Variants in GRIN2A observed in about 807,000 individuals in gnomAD.
The protein encoded by GRIN2A is glutamate receptor ionotropic, NMDA 2A.
Under a neutral mutation model 113.4 loss-of-function variants are expected in GRIN2A, and 22 were observed. That is an observed-to-expected ratio of 0.19 (90% CI 0.14 to 0.28). The LOEUF (loss-of-function observed/expected upper bound fraction) is 0.28, where lower values mean the gene tolerates loss of function less well. Ranked by LOEUF, GRIN2A falls within the 10% of genes least tolerant of loss-of-function variation. The pLI is 1.00. For missense variants in GRIN2A, 1,502 were observed against 1,887.0 expected (o/e 0.80, Z 3.78); for synonymous variants, 827 against 738.4 (o/e 1.12, Z -1.94).
At chr16:9,864,642 C>A (rs997640555) in intron 4 of GRIN2A, among the ~76,000 whole-genome samples, 1 of 152,190 alleles carries the variant, frequency 6.6e-6, no homozygotes, top group Non-Finnish European at 1.5e-5. Flanking sequence ...CCATTTGGAT[C>A]TCAGCCCTGA....
intron 11 of GRIN2A, among the ~76,000 whole-genome samples, chr16:9,794,068 G>A (rs1367598092): frequency 1.3e-5 from 2 of 152,306 alleles, no homozygotes; most frequent in Middle Eastern, 3.4e-3. Context: ...ATATGCATGA[G>A]CATTGTTACT....
At chr16:9,890,862 T>C (rs779566015) in intron 4 of GRIN2A, 124 bp downstream of exon 4, 2 of 714,650 alleles carry the variant, frequency 2.8e-6, no homozygotes, top group Admixed American at 2.0e-5. Context: ...GACGTGCTCT[T>C]GGCTGTGAGA....
rs187257814 is a variant in GRIN2A at position 10,173,896 on chromosome 16, A to G, written c.414+6102T>C. Among the ~76,000 whole-genome samples the G allele has an allele frequency of 5.9e-5, 9 of 152,372 alleles. No individual in the cohort carries two copies. In the South Asian group the frequency reaches 1.9e-3, roughly 32 times the overall value. On this transcript the variant is annotated intron_variant, in intron 2 of 12. Transcript: ENST00000330684. Reference sequence around the variant, plus strand: ...GGTCAAAATCCGAGTGAACACACTCAGTAACCTTCCTTTTCTGCTCCTAAG... The same window carrying G: ...GGTCAAAATCCGAGTGAACACACTCGGTAACCTTCCTTTTCTGCTCCTAAG...
At position 10,064,889 on chromosome 16, in the gene GRIN2A, G is replaced by A. The variant is rs115014049; in HGVS notation, c.414+115109C>T. Reference sequence around the variant, plus strand: ...TTTATGGCTGGCAAGCATTCACACGGTCAGTGCATTCATCCAAACGGACGA... The same window carrying A: ...TTTATGGCTGGCAAGCATTCACACGATCAGTGCATTCATCCAAACGGACGA... On this transcript the variant is annotated intron_variant, in intron 2 of 12. Coordinates refer to ENST00000330684, the MANE Select transcript of GRIN2A (RefSeq NM_001134407.3). 6.8e-3 allele frequency among the ~76,000 whole-genome samples: 1,039 copies of A among 152,278 alleles called. 9 individuals carry two copies. Among genetic ancestry groups the A allele is most frequent in the African/African-American group, 0.024 (986 of 41,542 alleles).
At chr16:9,993,034 G>C (rs1166577063) in intron 2 of GRIN2A, among the ~76,000 whole-genome samples, 1 of 151,100 alleles carries the variant, frequency 6.6e-6, no homozygotes, top group Non-Finnish European at 1.5e-5. Context: ...TGGCAAACAT[G>C]GCAAAACCTC....
chr16:9,773,438 C>T (rs1901405353), intron 11 of GRIN2A, among the ~76,000 whole-genome samples: 1 of 152,128 alleles, frequency 6.6e-6, no homozygotes, highest in African/African-American at 2.4e-5. Flanking sequence ...TAAAAAGAGG[C>T]CGTGATCTTT....
intron 2 of GRIN2A, among the ~76,000 whole-genome samples, chr16:10,064,121 A>G (rs963596265): frequency 1.3e-5 from 2 of 152,186 alleles, no homozygotes; most frequent in African/African-American, 4.8e-5. Flanking sequence ...TAGGTTCTCA[A>G]TCGATGTCTA....
chr16:9,916,392 A>G (rs2044250834), intron 3 of GRIN2A, among the ~76,000 whole-genome samples: 1 of 152,232 alleles, frequency 6.6e-6, no homozygotes, highest in Non-Finnish European at 1.5e-5. Context: ...AATTGTGAGT[A>G]GGAGCTTTTC....
intron 2 of GRIN2A, among the ~76,000 whole-genome samples, chr16:10,034,603 G>A (rs1162412406): frequency 7.0e-6 from 1 of 142,038 alleles, no homozygotes; most frequent in Non-Finnish European, 1.5e-5. Flanking sequence ...TGAGAAGGAT[G>A]TTGACTTGCT....
intron 2 of GRIN2A, among the ~76,000 whole-genome samples, chr16:10,159,072 C>T (rs547526852): frequency 6.6e-6 from 1 of 152,256 alleles, no homozygotes; most frequent in East Asian, 1.9e-4. Context: ...GCTCTGTTAC[C>T]TGCCTACCAG....
chr16:10,080,838 T>C (rs1355364494), intron 2 of GRIN2A, among the ~76,000 whole-genome samples: 1 of 152,170 alleles, frequency 6.6e-6, no homozygotes, highest in Non-Finnish European at 1.5e-5. Flanking sequence ...TTGAACAGCC[T>C]TTGAAGGGCT....
chr16:9,989,443 A>G (rs556569042), intron 2 of GRIN2A, among the ~76,000 whole-genome samples: 24 of 152,150 alleles, frequency 1.6e-4, no homozygotes, highest in Non-Finnish European at 2.9e-4. Context: ...AAAATCCTAG[A>G]AGAAACCTAG....
chr16:9,978,906 A>T (rs902072686), intron 2 of GRIN2A, among the ~76,000 whole-genome samples: 1 of 152,160 alleles, frequency 6.6e-6, no homozygotes, highest in African/African-American at 2.4e-5. Context: ...TGTGACAGTA[A>T]ATTCTGCTAT....
At chr16:10,156,796 A>T (rs989555491) in intron 2 of GRIN2A, among the ~76,000 whole-genome samples, 2 of 152,172 alleles carry the variant, frequency 1.3e-5, no homozygotes, top group Non-Finnish European at 2.9e-5. Context: ...GTTTTCATAC[A>T]CCTTATTTCA....
chr16:9,862,638 G>A (rs563386914), intron 4 of GRIN2A, among the ~76,000 whole-genome samples: 1 of 152,206 alleles, frequency 6.6e-6, no homozygotes, highest in South Asian at 2.1e-4. Context: ...CCTGGGGAAA[G>A]ATAGGAGTCC....
intron 2 of GRIN2A, among the ~76,000 whole-genome samples, chr16:10,088,115 TG>T (rs1375412348): frequency 3.3e-5 from 5 of 152,328 alleles, no homozygotes; most frequent in Non-Finnish European, 7.3e-5. Context: ...TGTTTACTCA[TG>T]AAACCTTTGG....
chr16:9,828,377 A>G (rs1275738805), intron 9 of GRIN2A, among the ~76,000 whole-genome samples: 2 of 152,222 alleles, frequency 1.3e-5, no homozygotes, highest in African/African-American at 4.8e-5. Flanking sequence ...AGCTCTCTTG[A>G]CAAGATTCTT....
chr16:9,945,647 C>T (rs1301706206), intron 2 of GRIN2A, among the ~76,000 whole-genome samples: 1 of 152,152 alleles, frequency 6.6e-6, no homozygotes, highest in Admixed American at 6.5e-5. Context: ...TAAGATAACC[C>T]TGTTCTTCCC....
At chr16:9,982,971 T>C (rs1344116763) in intron 2 of GRIN2A, among the ~76,000 whole-genome samples, 1 of 152,196 alleles carries the variant, frequency 6.6e-6, no homozygotes, top group Non-Finnish European at 1.5e-5. Context: ...ACATCATAAG[T>C]TCATACTGAT....
Sources: allele counts gnomAD v4.1 joint callset (sites outside exome capture counted in the v4.1 genomes callset), GRCh38; gene constraint gnomAD v4.1.1; transcripts MANE v1.5; gene names NCBI Gene and HGNC (gene_info 2026-07-23, HGNC 2026-07-21).